The following TMIE variants were observed in gnomAD, a reference collection of about 807,000 sequenced individuals.
The protein encoded by TMIE is transmembrane inner ear expressed protein.
A neutral mutation model predicts 16.8 loss-of-function variants in TMIE; 14 were observed. The observed-to-expected ratio is 0.83, with a 90% CI of 0.55 to 1.30. TMIE has a LOEUF of 1.30. Ranked by LOEUF, TMIE falls within the 50% of genes most tolerant of loss-of-function variation. The probability of loss-of-function intolerance (pLI) is 0.00; values close to 1 mark genes in which losing one functional copy is unlikely to be tolerated. For missense variants in TMIE, 204 were observed against 205.9 expected, an observed-to-expected ratio of 0.99 and a Z score of 0.06; for synonymous variants, 75 against 87.2, an observed-to-expected ratio of 0.86 and a Z score of 0.78.
chr3:46,704,667 G>A (rs967538683), intron 1 of TMIE, among the ~76,000 whole-genome samples: 6 of 135,848 alleles, frequency 4.4e-5, no homozygotes, highest in Admixed American at 4.4e-4. Context: ...CAGGGCCAGG[G>A]TCATGTCCCT....
chr3:46,706,268 C>T (rs1700551661), intron 2 of TMIE, among the ~76,000 whole-genome samples: 1 of 152,238 alleles, frequency 6.6e-6, no homozygotes, highest in South Asian at 2.1e-4. Context: ...CCCAGGGGCC[C>T]CAGCAAGGCC....
Position 46,710,276 on chromosome 3 carries a change from A to G in TMIE, c.*588A>G. The G allele has an allele frequency of 5.8e-6, 1 of 171,054 alleles. No individual in the cohort carries two copies. The highest frequency in any genetic ancestry group is 1.3e-5 in the Non-Finnish European group (1 of 78,770). 10.6% of individuals were successfully genotyped at this position (171,054 alleles called of 1,614,324 possible). A position where few individuals can be genotyped will look rare whatever the true frequency, so the allele number is the denominator to read the frequency against. On this transcript the variant is annotated 3_prime_UTR_variant, in exon 4 of 4. Coordinates refer to ENST00000643606, the MANE Select transcript of TMIE (RefSeq NM_147196.3). ...AAGTAGAGGTGGCTTCAGAAATGGA[A>G]CCCCCAGCCCAGCAGACATCAAGCT... is the stretch of plus-strand genomic sequence containing the variant.
chr3:46,704,468 G>A (rs1474139729), intron 1 of TMIE, among the ~76,000 whole-genome samples: 1 of 147,856 alleles, frequency 6.8e-6, no homozygotes, highest in Non-Finnish European at 1.5e-5. Flanking sequence ...AGACACCCAG[G>A]GCAGGACCAT....
chr3:46,696,513 C>A (rs1252715741), upstream of TMIE, among the ~76,000 whole-genome samples: 1 of 152,172 alleles, frequency 6.6e-6, no homozygotes. Flanking sequence ...CCCAGCAGGC[C>A]CCAGCTGCTG....
chr3:46,704,586 TC>T (rs1700524222), intron 1 of TMIE, among the ~76,000 whole-genome samples: 1 of 93,008 alleles, frequency 1.1e-5, no homozygotes, highest in South Asian at 3.8e-4. Flanking sequence ...CAGGGCAGGA[TC>T]ATGTCCCTAG....
chr3:46,699,403 A>G (rs1003181264), upstream of TMIE, among the ~76,000 whole-genome samples: 15 of 152,202 alleles, frequency 9.9e-5, no homozygotes, highest in South Asian at 4.1e-4. Flanking sequence ...GTAGCTTTAT[A>G]CTTCTGAGGT....
chr3:46,709,873 GC>G lies in TMIE; in HGVS notation c.*191del. On this transcript the variant is annotated 3_prime_UTR_variant, in exon 4 of 4. Coordinates refer to ENST00000643606, the MANE Select transcript of TMIE (RefSeq NM_147196.3). ...AACCAGACAATCTCGTAGGTGTCCT[GC>G]CCCCCAGCCTAGGCTTGGCTCCTTT... 5 of 1,263,430 alleles carry G rather than the reference GC, an allele frequency of 4.0e-6. No individual in the cohort carries two copies. The highest frequency in any genetic ancestry group is 1.4e-5 in the South Asian group (1 of 69,524). The allele number at this position is 1,263,430 out of a possible 1,614,324, so 78.3% of individuals were successfully genotyped here. A position where few individuals can be genotyped will look rare whatever the true frequency, so the allele number is the denominator to read the frequency against.
intron 2 of TMIE, among the ~76,000 whole-genome samples, chr3:46,706,467 C>T (rs974944065): frequency 6.6e-6 from 1 of 152,222 alleles, no homozygotes; most frequent in African/African-American, 2.4e-5. Flanking sequence ...TGGCCGGCTC[C>T]CCTTAGCCCT....
chr3:46,695,801 A>G (rs1700406940), intron 1 of TMIE, among the ~76,000 whole-genome samples: 1 of 152,208 alleles, frequency 6.6e-6, no homozygotes, highest in South Asian at 2.1e-4. Context: ...CTGTTCAGCC[A>G]CATCTAGGGG....
chr3:46,701,319 C>T (rs1240094593), upstream of TMIE: 2 of 517,640 alleles, frequency 3.9e-6, no homozygotes, highest in Non-Finnish European at 6.6e-6. The surrounding 1 kb of genome is among the most constrained non-coding windows in gnomAD (Gnocchi z 4.3). Flanking sequence ...TCCACCGCAG[C>T]GATGGCGGGG....
upstream of TMIE, among the ~76,000 whole-genome samples, chr3:46,699,073 T>TTA (rs1700440460): frequency 7.0e-6 from 1 of 142,872 alleles, no homozygotes; most frequent in Non-Finnish European, 1.5e-5. Flanking sequence ...TTTTTTTTTT[T>TTA]TTTTTTTTTT....
chr3:46,703,563 C>A (rs1700504843), intron 1 of TMIE, among the ~76,000 whole-genome samples: 1 of 152,178 alleles, frequency 6.6e-6, no homozygotes, highest in Non-Finnish European at 1.5e-5. Flanking sequence ...CACATGTTCC[C>A]CAACTTTATG....
chr3:46,694,811 C>T (rs1245544119), intron 1 of TMIE, among the ~76,000 whole-genome samples: 1 of 152,176 alleles, frequency 6.6e-6, no homozygotes, highest in East Asian at 1.9e-4. Context: ...GGGTCCCAAT[C>T]CTGCAGAGCC....
At chr3:46,697,354 G>A (rs1700420125), upstream of TMIE, among the ~76,000 whole-genome samples, 1 of 152,184 alleles carries the variant, frequency 6.6e-6, no homozygotes, top group Non-Finnish European at 1.5e-5. Context: ...CCCAGAGAGG[G>A]TCCTGCCCTA....
chr3:46,701,296 AGGGGGCGGGCCCTCCACCGCAGCGATGGC>A (rs1700470376), upstream of TMIE: 4 of 415,044 alleles, frequency 9.6e-6, no homozygotes, highest in African/African-American at 4.3e-5. This position sits in a 1 kb window ranked among gnomAD's most constrained non-coding sequence, Gnocchi z 4.3. Flanking sequence ...CCCGGGAAGG[AGGGGGCGGGCCCTCCACCGCAGCGATGGC>A]GGGGGCGGGC....
Position 46,705,667 on chromosome 3 carries a change from A to T in TMIE, c.94-123A>T, listed in dbSNP as rs59968076. Reference sequence around the variant, plus strand: ...AGGGTGTTGGTAGTGCATGCTTAAGAGAGTTGATTCTAGGAGATTCTGATA... The same window carrying T: ...AGGGTGTTGGTAGTGCATGCTTAAGTGAGTTGATTCTAGGAGATTCTGATA... On this transcript the variant is annotated intron_variant, in intron 1 of 3. Transcript: ENST00000643606. The T allele has an allele frequency of 0.054, 44,520 of 828,574 alleles. 1,552 individuals are homozygous for T. Among genetic ancestry groups the T allele is most frequent in the East Asian group, 0.12 (4,749 of 39,604 alleles). The allele number at this position is 828,574 out of a possible 1,614,324, so 51.3% of individuals were successfully genotyped here. A position where few individuals can be genotyped will look rare whatever the true frequency, so the allele number is the denominator to read the frequency against.
At chr3:46,693,946 C>A (rs1700329943), upstream of TMIE, among the ~76,000 whole-genome samples, 1 of 152,014 alleles carries the variant, frequency 6.6e-6, no homozygotes, top group African/African-American at 2.4e-5. Flanking sequence ...CTTGACCCCT[C>A]CGCCCCCTAC....
chr3:46,703,746 A>G (rs536597652), intron 1 of TMIE, among the ~76,000 whole-genome samples: 1 of 152,266 alleles, frequency 6.6e-6, no homozygotes, highest in Non-Finnish European at 1.5e-5. Context: ...GAGTTCTGCA[A>G]CCCACGCTGA....
At chr3:46,700,342 T>C (rs894861228), upstream of TMIE, among the ~76,000 whole-genome samples, 3 of 152,208 alleles carry the variant, frequency 2.0e-5, no homozygotes, top group Non-Finnish European at 4.4e-5. Flanking sequence ...CTGTGGTCCT[T>C]GCCCATTCAT....
Sources: gnomAD v4.1 joint callset for allele counts (sites outside exome capture counted in the v4.1 genomes callset) on GRCh38, gnomAD v4.1.1 for gene constraint, Gnocchi (gnomAD v3.1) non-coding constraint, MANE v1.5 for transcripts, NCBI Gene and HGNC (gene_info 2026-07-23, HGNC 2026-07-21) for gene names.